The following POC1A variants were observed in gnomAD, a reference collection of about 807,000 sequenced individuals.
The protein encoded by POC1A is POC1 centriolar protein A.
Under a neutral mutation model 47.8 loss-of-function variants are expected in POC1A, and 34 were observed. That is an observed-to-expected ratio of 0.71 (90% CI 0.54 to 0.95). POC1A has a LOEUF of 0.95. Ranked by LOEUF, POC1A falls within the 40% of genes least tolerant of loss-of-function variation. The pLI, the probability that POC1A is intolerant of heterozygous loss-of-function variation, is 0.00. For synonymous variants in POC1A, 177 were observed against 207.6 expected, an observed-to-expected ratio of 0.85 and a Z score of 1.27; for missense variants, 466 against 528.3, an observed-to-expected ratio of 0.88 and a Z score of 1.16.
chr3:52,147,221 T>C (rs1698397887), intron 4 of POC1A, 126 bp from the exon 5 acceptor site: 1 of 648,606 alleles, frequency 1.5e-6, no homozygotes, highest in African/African-American at 1.8e-5. Flanking sequence ...CGGGGTCACA[T>C]GCCCTGCTGT....
intron 10 of POC1A, among the ~76,000 whole-genome samples, chr3:52,083,651 A>G (rs1366597972): frequency 6.7e-6 from 1 of 149,876 alleles, no homozygotes; most frequent in Non-Finnish European, 1.5e-5. Flanking sequence ...TTCCCTTTCC[A>G]CTCTGTGTTT....
chr3:52,114,846 G>A (rs773077920), intron 9 of POC1A, among the ~76,000 whole-genome samples: 4 of 152,240 alleles, frequency 2.6e-5, no homozygotes, highest in Admixed American at 6.5e-5. Flanking sequence ...ACACGAGGTG[G>A]AATGGTGCCC....
intron 9 of POC1A, among the ~76,000 whole-genome samples, chr3:52,102,110 G>C (rs1040388263): frequency 6.6e-6 from 1 of 151,698 alleles, no homozygotes; most frequent in Non-Finnish European, 1.5e-5. Context: ...GTTTTGTTTT[G>C]TTTTTCTCCA....
chr3:52,135,194 C>A (rs1704398739), intron 7 of POC1A, among the ~76,000 whole-genome samples: 1 of 152,310 alleles, frequency 6.6e-6, no homozygotes, highest in South Asian at 2.1e-4. Flanking sequence ...GGTGACAACA[C>A]AGGCCCAGCC....
chr3:52,120,405 C>A (rs1703735286), intron 9 of POC1A, among the ~76,000 whole-genome samples: 1 of 152,184 alleles, frequency 6.6e-6, no homozygotes, highest in Non-Finnish European at 1.5e-5. Context: ...AGAGGACTTA[C>A]ATCCACTCAG....
Position 52,150,951 on chromosome 3 carries a change from T to A in POC1A, c.103+65A>T, listed in dbSNP as rs190649277. The stretch of plus-strand genomic sequence containing the variant: ...TGCTCTGCTTCCCACCCACCACCCC[T>A]CCGAGGTAAAAACTTGGCCTGTTCA... On this transcript the variant is annotated intron_variant, in intron 2 of 10. Transcript: ENST00000296484. 536 of 1,338,844 alleles carry A rather than the reference T, an allele frequency of 4.0e-4. 2 individuals carry two copies. Among genetic ancestry groups the A allele is most frequent in the African/African-American group, 2.8e-3 (195 of 69,080 alleles). The allele number at this position is 1,338,844 out of a possible 1,614,324, so 82.9% of individuals were successfully genotyped here.
At chr3:52,081,854 G>A (rs1182211372) in intron 10 of POC1A, among the ~76,000 whole-genome samples, 1 of 152,094 alleles carries the variant, frequency 6.6e-6, no homozygotes, top group African/African-American at 2.4e-5. Flanking sequence ...CTTGGACTGG[G>A]GGCAGGAGAA....
chr3:52,148,288 C>A (rs1421603297), intron 4 of POC1A, among the ~76,000 whole-genome samples: 2 of 152,220 alleles, frequency 1.3e-5, no homozygotes, highest in African/African-American at 2.4e-5. Context: ...ATCTCAGGAC[C>A]CTAGTCATAA....
intron 10 of POC1A, among the ~76,000 whole-genome samples, chr3:52,076,802 C>T (rs376916251): frequency 6.6e-6 from 1 of 152,394 alleles, no homozygotes; most frequent in South Asian, 2.1e-4. Flanking sequence ...GCCTCTCTTA[C>T]ACACCCAGCA....
In POC1A at chr3:52,125,185, G is replaced by A. The variant is rs1450752503; in HGVS notation, c.814-4C>T. On this transcript the variant is annotated splice_polypyrimidine_tract_variant and splice_region_variant and intron_variant, in intron 7 of 10. Transcript: ENST00000296484. ...AGGCAACAGTGGTGGCTGGTCCCTGGCAGAACAAACAAAAAATAACACACA... is the reference window on the plus strand; with the variant it reads ...AGGCAACAGTGGTGGCTGGTCCCTGACAGAACAAACAAAAAATAACACACA... 5 of 1,612,102 alleles carry A rather than the reference G, an allele frequency of 3.1e-6. No individual in the cohort carries two copies. The East Asian group carries it at 1.1e-4, about 36-fold the overall frequency.
chr3:52,152,484 C>T (rs1472757011), intron 1 of POC1A, among the ~76,000 whole-genome samples: 1 of 151,416 alleles, frequency 6.6e-6, no homozygotes, highest in African/African-American at 2.4e-5. Flanking sequence ...GCAGGAGAAT[C>T]GCTTGAACCC....
chr3:52,118,039 C>T (rs1034945278), intron 9 of POC1A, among the ~76,000 whole-genome samples: 4 of 152,194 alleles, frequency 2.6e-5, no homozygotes, highest in African/African-American at 9.7e-5. Context: ...AGGAACAGAG[C>T]TAAGCACTAG....
intron 7 of POC1A, among the ~76,000 whole-genome samples, chr3:52,130,890 G>C (rs998321521): frequency 2.6e-5 from 4 of 152,124 alleles, no homozygotes; most frequent in Non-Finnish European, 5.9e-5. Context: ...CACCCCATAA[G>C]CATCAGTGGG....
chr3:52,089,932 C>T (rs1218223903), intron 10 of POC1A, among the ~76,000 whole-genome samples: 5 of 137,356 alleles, frequency 3.6e-5, no homozygotes, highest in African/African-American at 1.1e-4. Context: ...CTGAGCAGCC[C>T]GTCAAATAGG....
chr3:52,103,243 A>G (rs1703059100), intron 9 of POC1A, among the ~76,000 whole-genome samples: 1 of 152,230 alleles, frequency 6.6e-6, no homozygotes, highest in African/African-American at 2.4e-5. Context: ...CTAAAACTGT[A>G]AGGCCGGGTA....
chr3:52,147,233 A>ATT, intron 4 of POC1A, 138 bp from the exon 5 acceptor site: 60 of 477,712 alleles, frequency 1.3e-4, no homozygotes, highest in South Asian at 3.0e-4. Flanking sequence ...CCCTGCTGTG[A>ATT]TTTTTTTTTT....
chr3:52,097,727 G>A (rs902159635), intron 9 of POC1A, among the ~76,000 whole-genome samples: 2 of 152,224 alleles, frequency 1.3e-5, no homozygotes, highest in African/African-American at 4.8e-5. Flanking sequence ...CCTCATGGTA[G>A]CTACAGGAGA....
At chr3:52,131,285 G>T (rs562863074) in intron 7 of POC1A, among the ~76,000 whole-genome samples, 4 of 152,292 alleles carry the variant, frequency 2.6e-5, no homozygotes, top group Admixed American at 2.0e-4. Context: ...GGCCTCACAC[G>T]GGGCCTGAGG....
At chr3:52,089,387 G>C (rs886467734) in intron 10 of POC1A, among the ~76,000 whole-genome samples, 11 of 152,098 alleles carry the variant, frequency 7.2e-5, no homozygotes, top group Non-Finnish European at 1.5e-4. Context: ...TGAGTCCCCT[G>C]TCCCCCAGAA....
Sources: gnomAD v4.1 joint callset for allele counts (sites outside exome capture counted in the v4.1 genomes callset) on GRCh38, gnomAD v4.1.1 for gene constraint, MANE v1.5 for transcripts, NCBI Gene and HGNC (gene_info 2026-07-23, HGNC 2026-07-21) for gene names.